The following CDKAL1 variants were observed in gnomAD, a reference collection of about 807,000 sequenced individuals.
The protein encoded by CDKAL1 is threonylcarbamoyladenosine tRNA methylthiotransferase.
Under a neutral mutation model 68.2 loss-of-function variants are expected in CDKAL1, and 32 were observed. The ratio of observed to expected loss-of-function variants is 0.47; its 90% confidence interval spans 0.35 to 0.63. The LOEUF is 0.63. Ranked by LOEUF, CDKAL1 falls within the 30% of genes least tolerant of loss-of-function variation. The pLI is 0.00. For synonymous variants in CDKAL1, 234 were observed against 244.3 expected (o/e 0.96, Z 0.39); for missense variants, 606 against 696.7 (o/e 0.87, Z 1.47).
At chr6:20,589,962 G>A (rs887743077) in intron 4 of CDKAL1, among the ~76,000 whole-genome samples, 2 of 152,252 alleles carry the variant, frequency 1.3e-5, no homozygotes, top group African/African-American at 4.8e-5. Context: ...TGAGAAAGCT[G>A]TTCCATCTCT....
intron 7 of CDKAL1, among the ~76,000 whole-genome samples, chr6:20,772,444 C>T (rs141181885): frequency 6.6e-6 from 1 of 152,272 alleles, no homozygotes; most frequent in East Asian, 1.9e-4. Context: ...AGTCTACTCC[C>T]ACTGTCATAA....
intron 13 of CDKAL1, among the ~76,000 whole-genome samples, chr6:21,183,595 T>C (rs1777885147): frequency 6.6e-6 from 1 of 152,194 alleles, no homozygotes; most frequent in Admixed American, 6.5e-5. Flanking sequence ...AATGTTGAAG[T>C]TATGAATGTG....
intron 8 of CDKAL1, among the ~76,000 whole-genome samples, chr6:20,810,020 A>G (rs1208698390): frequency 2.0e-5 from 3 of 152,196 alleles, no homozygotes; most frequent in Non-Finnish European, 4.4e-5. Context: ...AATCACATCT[A>G]AACTTTTAGA....
chr6:21,167,838 A>C (rs962110735), intron 13 of CDKAL1, among the ~76,000 whole-genome samples: 1 of 152,268 alleles, frequency 6.6e-6, no homozygotes, highest in African/African-American at 2.4e-5. Context: ...AGGCACTGCC[A>C]GCTGATGTTA....
intron 4 of CDKAL1, among the ~76,000 whole-genome samples, chr6:20,633,188 A>G (rs1017799010): frequency 3.9e-5 from 6 of 152,136 alleles, no homozygotes; most frequent in African/African-American, 1.4e-4. Context: ...AGCTGAGCCC[A>G]CTCAGTCCTC....
At chr6:20,869,906 G>A (rs1760115833) in intron 9 of CDKAL1, among the ~76,000 whole-genome samples, 1 of 152,098 alleles carries the variant, frequency 6.6e-6, no homozygotes, top group Admixed American at 6.6e-5. Context: ...ATCAAAATAA[G>A]ACGATCTAGC....
chr6:20,645,457 C>T (rs1306551125), intron 4 of CDKAL1, among the ~76,000 whole-genome samples: 6 of 151,922 alleles, frequency 3.9e-5, no homozygotes, highest in African/African-American at 7.3e-5. Flanking sequence ...TATGGCCAGG[C>T]GCAGTGGCTC....
intron 8 of CDKAL1, among the ~76,000 whole-genome samples, chr6:20,805,490 A>G (rs900701157): frequency 2.6e-5 from 4 of 152,208 alleles, no homozygotes; most frequent in Admixed American, 6.5e-5. Context: ...GCATAGTTTG[A>G]ATATCTCACT....
intron 9 of CDKAL1, among the ~76,000 whole-genome samples, chr6:20,936,620 C>A (rs911494303): frequency 6.6e-6 from 1 of 152,006 alleles, no homozygotes; most frequent in African/African-American, 2.4e-5. Flanking sequence ...CTAAATACCA[C>A]TTGCTGATGA....
At chr6:20,669,384 A>G (rs1230531053) in intron 5 of CDKAL1, among the ~76,000 whole-genome samples, 1 of 152,162 alleles carries the variant, frequency 6.6e-6, no homozygotes. Flanking sequence ...TATTTATATC[A>G]GTGTAGCCTC....
chr6:21,164,938 G>A (rs1454420059), intron 13 of CDKAL1, among the ~76,000 whole-genome samples: 1 of 152,152 alleles, frequency 6.6e-6, no homozygotes, highest in Non-Finnish European at 1.5e-5. Flanking sequence ...CATCTTCATG[G>A]CATAGCACAC....
At chr6:20,802,309 C>T (rs200353326) in intron 8 of CDKAL1, among the ~76,000 whole-genome samples, 40 of 142,386 alleles carry the variant, frequency 2.8e-4, no homozygotes, top group South Asian at 1.1e-3. Flanking sequence ...AAAACAACAA[C>T]AACAACAATA....
chr6:20,928,238 T>C (rs1465373581), intron 9 of CDKAL1, among the ~76,000 whole-genome samples: 1 of 152,166 alleles, frequency 6.6e-6, no homozygotes, highest in Non-Finnish European at 1.5e-5. Context: ...AGGCTGGTAA[T>C]ATCAGAGTCT....
At chr6:20,827,137 G>A (rs1485145510) in intron 8 of CDKAL1, among the ~76,000 whole-genome samples, 1 of 152,152 alleles carries the variant, frequency 6.6e-6, no homozygotes, top group Non-Finnish European at 1.5e-5. Flanking sequence ...GTTATGACAG[G>A]TGGTATGTGT....
chr6:20,681,881 A>T (rs1770392922), intron 5 of CDKAL1, among the ~76,000 whole-genome samples: 2 of 152,212 alleles, frequency 1.3e-5, no homozygotes, highest in African/African-American at 4.8e-5. Context: ...AAACGACAGA[A>T]ATTTAATTCT....
chr6:21,186,031 CG>C (rs1182117604), intron 13 of CDKAL1, among the ~76,000 whole-genome samples: 1 of 138,592 alleles, frequency 7.2e-6, no homozygotes, highest in Non-Finnish European at 1.5e-5. Flanking sequence ...CTCTTGGAGC[CG>C]GGCTCTCAGG....
chr6:20,773,282 CT>C (rs906376713), intron 7 of CDKAL1, among the ~76,000 whole-genome samples: 1 of 152,038 alleles, frequency 6.6e-6, no homozygotes, highest in African/African-American at 2.4e-5. Flanking sequence ...GAATACCTAC[CT>C]TTTTTTCTTC....
chr6:20,601,213 A>G (rs1467121681), intron 4 of CDKAL1, among the ~76,000 whole-genome samples: 2 of 152,218 alleles, frequency 1.3e-5, no homozygotes, highest in African/African-American at 2.4e-5. Flanking sequence ...TCAGAAACAC[A>G]TAATTAAATG....
chr6:20,955,659 A>G lies in CDKAL1; in HGVS notation c.909+74A>G, dbSNP rs889534047. On this transcript the variant is annotated intron_variant, in intron 10 of 15. Coordinates refer to ENST00000274695, the MANE Select transcript of CDKAL1 (RefSeq NM_017774.3). ...CAGACAGTGTGGCAGCCTCAGTATC[A>G]TCACATCAGCTTCATTTAAAACTCC... 2.3e-6 allele frequency: 3 copies of G among 1,287,676 alleles called. No individual in the cohort carries two copies. The Admixed American group carries it at 6.7e-5, about 29-fold the overall frequency. 79.8% of individuals were successfully genotyped at this position (1,287,676 alleles called of 1,614,324 possible). A position where few individuals can be genotyped will look rare whatever the true frequency, so the allele number is the denominator to read the frequency against.
Sources: gnomAD v4.1 joint callset for allele counts (sites outside exome capture counted in the v4.1 genomes callset) on GRCh38, gnomAD v4.1.1 for gene constraint, MANE v1.5 for transcripts, NCBI Gene and HGNC (gene_info 2026-07-23, HGNC 2026-07-21) for gene names.